Variants in KLHL3 observed in about 807,000 individuals in gnomAD.
The protein encoded by KLHL3 is kelch like family member 3, also known as kelch-like protein 3.
In KLHL3, 19 loss-of-function variants were observed where a neutral mutation model predicts 70.5. The ratio of observed to expected loss-of-function variants is 0.27; its 90% CI spans 0.19 to 0.40. The LOEUF is 0.40. Among genes scored for constraint, KLHL3 ranks in the 10% least tolerant of loss-of-function variants. The pLI is 1.00. For synonymous variants in KLHL3, 258 were observed against 290.3 expected (o/e 0.89, Z 1.13); for missense variants, 512 against 771.1 (o/e 0.66, Z 3.98).
chr5:137,658,066 G>A (rs1039292899), intron 8 of KLHL3, 65 bp downstream of exon 8: 1 of 1,488,222 alleles, frequency 6.7e-7, no homozygotes, highest in African/African-American at 1.4e-5. Context: ...CTTGGAGGCA[G>A]GAGTGGAAGG....
intron 2 of KLHL3, among the ~76,000 whole-genome samples, chr5:137,717,445 G>A (rs1341575519): frequency 2.0e-5 from 3 of 152,176 alleles, no homozygotes; most frequent in African/African-American, 7.2e-5. Context: ...GAGGAGAATT[G>A]CTTGAACCCG....
intron 12 of KLHL3, chr5:137,628,939 T>A (rs1750561145): frequency 6.6e-6 from 1 of 152,356 alleles, no homozygotes; most frequent in South Asian, 2.1e-4. Context: ...TTACTCATCC[T>A]TATATTAGTT....
chr5:137,734,651 G>A (rs1753232337), intron 1 of KLHL3, among the ~76,000 whole-genome samples: 1 of 152,166 alleles, frequency 6.6e-6, no homozygotes, highest in Non-Finnish European at 1.5e-5. Context: ...CATCAAACTG[G>A]CAATCTGGAG....
chr5:137,659,887 T>C (rs1397081090), intron 7 of KLHL3, among the ~76,000 whole-genome samples: 1 of 152,222 alleles, frequency 6.6e-6, no homozygotes, highest in Non-Finnish European at 1.5e-5. Flanking sequence ...TACAATATTT[T>C]TAAATGCTGA....
chr5:137,640,795 T>G (rs565545804), intron 8 of KLHL3, among the ~76,000 whole-genome samples: 44 of 152,194 alleles, frequency 2.9e-4, no homozygotes, highest in Non-Finnish European at 5.7e-4. Context: ...GCATCTATGT[T>G]TGTCAAAACA....
intron 4 of KLHL3, among the ~76,000 whole-genome samples, chr5:137,693,585 G>A (rs1324817830): frequency 6.6e-6 from 1 of 152,092 alleles, no homozygotes; most frequent in Non-Finnish European, 1.5e-5. Context: ...GGAAGCAGCA[G>A]GTAGTCTGAG....
intron 3 of KLHL3, chr5:137,706,043 C>T: frequency 1.0e-6 from 1 of 985,452 alleles, no homozygotes; most frequent in Non-Finnish European, 1.2e-6. Flanking sequence ...GATGGGCACT[C>T]AGACTTCAGT....
chr5:137,705,333 C>G (rs866526791), intron 3 of KLHL3, among the ~76,000 whole-genome samples: 1 of 152,182 alleles, frequency 6.6e-6, no homozygotes, highest in African/African-American at 2.4e-5. Flanking sequence ...GAACTTCATG[C>G]CTGGGAAGTG....
At position 137,617,734 on chromosome 5, in the gene KLHL3, T is replaced by C. The variant is rs886059935; in HGVS notation, c.*4364A>G. On this transcript the variant is annotated 3_prime_UTR_variant, in exon 15 of 15. Coordinates refer to ENST00000309755, the MANE Select transcript of KLHL3 (RefSeq NM_017415.3). ...GTGTCAGTGATCAAGTCTGACTGGC[T>C]ATGACAACCACAGGGACAGAGCACC... 3.3e-5 allele frequency: 5 copies of C among 152,226 alleles called. No homozygotes were observed. The highest frequency in any genetic ancestry group is 7.3e-5 in the Non-Finnish European group (5 of 68,042). 9.4% of individuals were successfully genotyped at this position (152,226 alleles called of 1,614,324 possible). A position where few individuals can be genotyped will look rare whatever the true frequency, so the allele number is the denominator to read the frequency against.
intron 4 of KLHL3, among the ~76,000 whole-genome samples, chr5:137,697,710 C>T (rs373449585): frequency 6.6e-6 from 1 of 152,108 alleles, no homozygotes; most frequent in South Asian, 2.1e-4. Flanking sequence ...TTAATCCTAA[C>T]CAGGCAATAA....
At position 137,663,255 on chromosome 5, in the gene KLHL3, C is replaced by T. The variant is rs1016458186; in HGVS notation, c.637-1224G>A. Among the ~76,000 whole-genome samples, 3 of 151,574 alleles carry T rather than the reference C, an allele frequency of 2.0e-5. No individual in the cohort carries two copies. In the East Asian group the frequency reaches 5.8e-4, roughly 29 times the overall value. The stretch of plus-strand genomic sequence containing the variant: ...TATTTTTAGTAGAGACGGGGTTTCA[C>T]CATATTGGCCAGGCTGGTCTCAAAC... On this transcript the variant is annotated intron_variant, in intron 6 of 14. Coordinates refer to ENST00000309755, the MANE Select transcript of KLHL3 (RefSeq NM_017415.3).
chr5:137,663,056 CTTTTTTTTTTTTTT>C (rs139890036), intron 6 of KLHL3, among the ~76,000 whole-genome samples: 107 of 77,940 alleles, frequency 1.4e-3, no homozygotes, highest in African/African-American at 5.4e-3. Context: ...AGCACTCGTT[CTTTTTTTTTTTTTT>C]TTTTTTTTTT....
chr5:137,693,620 G>GA (rs1378099043), intron 4 of KLHL3, among the ~76,000 whole-genome samples: 3 of 151,856 alleles, frequency 2.0e-5, no homozygotes, highest in East Asian at 1.9e-4. Context: ...AAGAAATTTA[G>GA]AAAAAAAATC....
chr5:137,702,550 C>T (rs914022158), intron 3 of KLHL3, among the ~76,000 whole-genome samples: 3 of 152,266 alleles, frequency 2.0e-5, no homozygotes, highest in African/African-American at 4.8e-5. Flanking sequence ...TTACAGGCCA[C>T]GCTAAGGAGT....
At chr5:137,640,195 TTC>T (rs1474794637) in intron 8 of KLHL3, among the ~76,000 whole-genome samples, 12 of 152,178 alleles carry the variant, frequency 7.9e-5, no homozygotes, top group African/African-American at 2.9e-4. Flanking sequence ...CAGTCATAAG[TTC>T]TGTTTCCCAA....
In KLHL3 at chr5:137,669,463, C is replaced by A. The variant is rs1264771516; in HGVS notation, c.637-7432G>T. Among the ~76,000 whole-genome samples, 544 of 151,114 alleles carry A rather than the reference C, an allele frequency of 3.6e-3. 3 individuals are homozygous for A. Among genetic ancestry groups the A allele is most frequent in the Non-Finnish European group, 6.6e-3 (442 of 67,124 alleles). On this transcript the variant is annotated intron_variant, in intron 6 of 14. Transcript: ENST00000309755. ...CAGCAGCACACTGCCAGATATCTGACTTCAGATAACCAAAAATGATGAAAA... is the reference window on the plus strand; with the variant it reads ...CAGCAGCACACTGCCAGATATCTGAATTCAGATAACCAAAAATGATGAAAA...
intron 3 of KLHL3, among the ~76,000 whole-genome samples, chr5:137,704,160 T>C (rs1162323832): frequency 6.6e-6 from 1 of 151,732 alleles, no homozygotes; most frequent in Non-Finnish European, 1.5e-5. Context: ...CCGAGGCGGG[T>C]GGATCATGAG....
chr5:137,674,930 T>C (rs1751850510), intron 6 of KLHL3, among the ~76,000 whole-genome samples: 1 of 152,232 alleles, frequency 6.6e-6, no homozygotes, highest in Non-Finnish European at 1.5e-5. Flanking sequence ...TGTCAGAAGC[T>C]TCCAGCTATT....
At chr5:137,661,245 C>G (rs1288928818) in intron 7 of KLHL3, 1 of 152,190 alleles carries the variant, frequency 6.6e-6, no homozygotes, top group Non-Finnish European at 1.5e-5. Flanking sequence ...CGATAAATCC[C>G]AACCTCCATA....
Sources: gnomAD v4.1 joint callset for allele counts (sites outside exome capture counted in the v4.1 genomes callset) on GRCh38, gnomAD v4.1.1 for gene constraint, MANE v1.5 for transcripts, NCBI Gene and HGNC (gene_info 2026-07-23, HGNC 2026-07-21) for gene names.